The following PCDH19 variants were observed in gnomAD, a reference collection of about 807,000 sequenced individuals.
The protein encoded by PCDH19 is protocadherin-19.
Under a neutral mutation model 46.2 loss-of-function variants are expected in PCDH19, and 6 were observed. That is an observed-to-expected ratio of 0.13 (90% CI 0.07 to 0.26). PCDH19 has a LOEUF of 0.26. Among genes scored for constraint, PCDH19 ranks in the 10% least tolerant of loss-of-function variants. The pLI is 1.00. For missense variants in PCDH19, 740 were observed against 972.3 expected (o/e 0.76, Z 3.18); for synonymous variants, 481 against 415.7 (o/e 1.16, Z -1.91).
rs185536753 is a variant in PCDH19 at position 100,385,946 on chromosome X, A to G, written c.2616+16578T>C. The stretch of plus-strand genomic sequence containing the variant: ...AATGTAAAGATGAGAAAAGAGAAAT[A>G]GAATGATCTCAACTAAAATTTTAAA... On this transcript the variant is annotated intron_variant, in intron 3 of 5. Transcript: ENST00000373034. Among the ~76,000 whole-genome samples the G allele has an allele frequency of 2.7e-3, 302 of 112,189 alleles. 1 individual carries two copies. The highest frequency in any genetic ancestry group is 9.4e-3 in the African/African-American group (289 of 30,907).
At chrX:100,361,855 G>A (rs1419434413) in intron 3 of PCDH19, among the ~76,000 whole-genome samples, 1 of 110,498 alleles carries the variant, frequency 9.0e-6, no homozygotes, top group Non-Finnish European at 1.9e-5. Context: ...ACTGGCTGAC[G>A]AGGTATACTA....
chrX:100,362,725 A>G (rs998281070), intron 3 of PCDH19, among the ~76,000 whole-genome samples: 1 of 107,018 alleles, frequency 9.3e-6, no homozygotes, highest in Non-Finnish European at 1.9e-5. Flanking sequence ...TGAACCCAGG[A>G]GGCAGGGCTT....
chrX:100,392,475 T>C (rs150538908), intron 3 of PCDH19, among the ~76,000 whole-genome samples: 3 of 112,198 alleles, frequency 2.7e-5, no homozygotes, highest in Non-Finnish European at 5.6e-5. Flanking sequence ...AAATCTTCAC[T>C]ACGAAAAAAC....
At chrX:100,396,470 T>TA (rs2147528101) in intron 3 of PCDH19, among the ~76,000 whole-genome samples, 1 of 111,134 alleles carries the variant, frequency 9.0e-6, no homozygotes, top group African/African-American at 3.3e-5. Context: ...TCCAAAGCCT[T>TA]AGAGCCCTCT....
At chrX:100,306,517 G>C (rs1411856760) in intron 5 of PCDH19, among the ~76,000 whole-genome samples, 1 of 110,378 alleles carries the variant, frequency 9.1e-6, no homozygotes, top group Admixed American at 9.7e-5. Context: ...GGAGAAACAA[G>C]AACAATCCAA....
At chrX:100,313,989 A>G (rs1182459684) in intron 5 of PCDH19, among the ~76,000 whole-genome samples, 1 of 110,995 alleles carries the variant, frequency 9.0e-6, no homozygotes, top group Non-Finnish European at 1.9e-5. Context: ...ACATTGGCGA[A>G]TGGTTTTATT....
At chrX:100,332,787 G>A (rs1925914611) in intron 5 of PCDH19, among the ~76,000 whole-genome samples, 1 of 109,896 alleles carries the variant, frequency 9.1e-6, no homozygotes, top group African/African-American at 3.3e-5. Context: ...CAAAGCAGGA[G>A]GACTGCTGCT....
At chrX:100,396,873 C>A (rs1446647566) in intron 3 of PCDH19, among the ~76,000 whole-genome samples, 1 of 111,908 alleles carries the variant, frequency 8.9e-6, no homozygotes, top group Admixed American at 9.4e-5. Flanking sequence ...AATGAGAATG[C>A]TCGAAAAGAT....
At chrX:100,392,860 A>G (rs1039250972) in intron 3 of PCDH19, among the ~76,000 whole-genome samples, 1 of 111,602 alleles carries the variant, frequency 9.0e-6, no homozygotes, top group African/African-American at 3.3e-5. Context: ...AGCCTCTTAA[A>G]GGTTAAGCCA....
In PCDH19 at chrX:100,295,919, T is replaced by G. The variant is rs1380749396; in HGVS notation, c.*358A>C. On this transcript the variant is annotated 3_prime_UTR_variant, in exon 6 of 6. Transcript: ENST00000373034. Reference sequence around the variant, plus strand: ...GCTTTTTTTTTTCACTTTTTGCTTTTTTAAATGTAATCCTCCACAAACAAT... The same window carrying G: ...GCTTTTTTTTTTCACTTTTTGCTTTGTTAAATGTAATCCTCCACAAACAAT... The G allele has an allele frequency of 1.1e-5, 2 of 175,441 alleles. No homozygotes were observed. Among genetic ancestry groups the G allele is most frequent in the Non-Finnish European group, 2.1e-5 (2 of 94,313 alleles). The allele number at this position is 175,441 out of a possible 1,213,427, so 14.5% of individuals were successfully genotyped here. A position where few individuals can be genotyped will look rare whatever the true frequency, so the allele number is the denominator to read the frequency against.
chrX:100,326,495 A>G (rs1216171171), intron 5 of PCDH19, among the ~76,000 whole-genome samples: 1 of 111,638 alleles, frequency 9.0e-6, no homozygotes, highest in Non-Finnish European at 1.9e-5. Context: ...AATGACGTCT[A>G]CCACCCATTA....
intron 3 of PCDH19, among the ~76,000 whole-genome samples, chrX:100,384,412 C>A (rs914820096): frequency 2.7e-5 from 3 of 110,537 alleles, no homozygotes; most frequent in African/African-American, 9.9e-5. Flanking sequence ...TCCTTCCCAC[C>A]CCTGTCCCCT....
intron 3 of PCDH19, among the ~76,000 whole-genome samples, chrX:100,362,681 C>T (rs1926925317): frequency 9.3e-6 from 1 of 107,839 alleles, no homozygotes; most frequent in Non-Finnish European, 1.9e-5. Context: ...GCTGTGGTCC[C>T]AGCTACTCGG....
chrX:100,410,166 A>G lies in PCDH19; in HGVS notation c.-1569T>C, dbSNP rs982143848. ...CCAGTGCCTCCCGGGCAAGCCAGGC[A>G]TGGTGCACGGGAGCTGTGCTGCCGT... On this transcript the variant is annotated 5_prime_UTR_variant, in exon 1 of 6. An upstream start codon of the reference 5' UTR is lost. Transcript: ENST00000373034. The G allele has an allele frequency of 6.8e-6, 2 of 295,059 alleles. No homozygotes were observed. Among genetic ancestry groups the G allele is most frequent in the African/African-American group, 5.5e-5 (2 of 36,221 alleles). 24.3% of individuals were successfully genotyped at this position (295,059 alleles called of 1,213,427 possible). A position where few individuals can be genotyped will look rare whatever the true frequency, so the allele number is the denominator to read the frequency against.
rs1221643775 is a variant in PCDH19 at position 100,406,674 on chromosome X, C to T, written c.1924G>A (p.Val642Met). The change falls in exon 1 of 6, where the codon GTG becomes ATG. Residue 642 changes from valine to methionine, a missense_variant. This residue lies in a region of PCDH19 where 416 missense variants were observed against 476.8 expected (regional missense o/e 0.87). Coordinates refer to ENST00000373034, the MANE Select transcript of PCDH19 (RefSeq NM_001184880.2). The part of the protein sequence containing the change: ...ESSKSSYELI[V>M]VAHDHGKTSL... Reference sequence around the variant, plus strand: ...GTCTTGCCGTGGTCGTGAGCCACCACGATAAGCTCATAGGAGGACTTGGAG... The same window carrying T: ...GTCTTGCCGTGGTCGTGAGCCACCATGATAAGCTCATAGGAGGACTTGGAG... The T allele has an allele frequency of 1.7e-6, 2 of 1,211,571 alleles. No homozygotes were observed. The highest frequency in any genetic ancestry group is 2.3e-4 in the Middle Eastern group (1 of 4,355).
intron 3 of PCDH19, among the ~76,000 whole-genome samples, chrX:100,358,394 C>A (rs1187264735): frequency 2.7e-5 from 3 of 112,045 alleles, no homozygotes; most frequent in Non-Finnish European, 5.6e-5. Flanking sequence ...TGAAAGAATT[C>A]CCCTCCTAGC....
intron 3 of PCDH19, among the ~76,000 whole-genome samples, chrX:100,393,507 C>T (rs867983984): frequency 4.3e-5 from 4 of 93,455 alleles, no homozygotes; most frequent in Non-Finnish European, 6.2e-5. Flanking sequence ...TACACACACA[C>T]ACACACACAC....
At chrX:100,403,183 C>T (rs1928245375) in intron 2 of PCDH19, among the ~76,000 whole-genome samples, 1 of 111,623 alleles carries the variant, frequency 9.0e-6, no homozygotes, top group Admixed American at 9.5e-5. Context: ...CATGAAAATG[C>T]TCAAATCTGG....
rs766582540 is a variant in PCDH19 at position 100,406,987 on chromosome X, G to A, written c.1611C>T (p.Asp537=). 1.9e-5 allele frequency: 23 copies of A among 1,211,945 alleles called. No individual in the cohort carries two copies. The highest frequency in any genetic ancestry group is 2.6e-5 in the Non-Finnish European group (23 of 895,562). The change falls in exon 1 of 6, where the codon GAC becomes GAT. Residue 537 remains aspartate, a synonymous_variant. Transcript: ENST00000373034. ...TGCTTTGCAGTGAGGGAAGGCCGCC[G>A]TCCTTGGCCAGCACCTTGAATTCGA... is the stretch of plus-strand genomic sequence containing the variant. ...KAFEFKVLAK[D]GGLPSLQSNA...
Sources: allele counts gnomAD v4.1 joint callset (sites outside exome capture counted in the v4.1 genomes callset), GRCh38; gene constraint gnomAD v4.1.1; regional missense constraint gnomAD v4.1.1; transcripts MANE v1.5; gene names NCBI Gene and HGNC (gene_info 2026-07-23, HGNC 2026-07-21).